Variants in XNDC1N observed in about 807,000 individuals in gnomAD.
The protein encoded by XNDC1N is XRCC1 N-terminal domain containing 1, N-terminal like.
chr11:71,901,193 A>G, the XNDC1N span, among the ~76,000 whole-genome samples: 1 of 152,214 alleles, frequency 6.6e-6, no homozygotes, highest in Admixed American at 6.5e-5. Context: ...CTTGACTTCC[A>G]CAAAGCAGTC....
At chr11:71,894,963 T>C in the XNDC1N span, among the ~76,000 whole-genome samples, 1 of 147,718 alleles carries the variant, frequency 6.8e-6, no homozygotes, top group African/African-American at 2.6e-5. Flanking sequence ...ACTGCTTCTA[T>C]AGAATCTATT....
chr11:71,910,925 G>C, the XNDC1N span, among the ~76,000 whole-genome samples: 1 of 152,212 alleles, frequency 6.6e-6, no homozygotes, highest in African/African-American at 2.4e-5. Flanking sequence ...ATGAGTTAAA[G>C]GAAAAACTTC....
At chr11:71,920,116 C>T in the XNDC1N span, among the ~76,000 whole-genome samples, 1 of 147,698 alleles carries the variant, frequency 6.8e-6, no homozygotes, top group Non-Finnish European at 1.5e-5. Context: ...CGCTACCACG[C>T]CCAGCTAATT....
At chr11:71,870,011 C>T in the XNDC1N span, among the ~76,000 whole-genome samples, 10 of 152,260 alleles carry the variant, frequency 6.6e-5, no homozygotes, top group East Asian at 1.9e-3. Context: ...GGAGGCCTAA[C>T]AATCATGGCA....
At chr11:71,887,493 A>G in the XNDC1N span, among the ~76,000 whole-genome samples, 763 of 152,044 alleles carry the variant, frequency 5.0e-3, 2 homozygotes, top group Non-Finnish European at 7.6e-3. Context: ...GAACTGAGCC[A>G]GGCCAAGAGA....
chr11:71,887,664 C>T, the XNDC1N span, among the ~76,000 whole-genome samples: 72 of 152,306 alleles, frequency 4.7e-4, no homozygotes, highest in African/African-American at 1.6e-3. Flanking sequence ...CACCTAAGAA[C>T]TTTTGGAATT....
the XNDC1N span, among the ~76,000 whole-genome samples, chr11:71,899,471 T>C: frequency 6.6e-6 from 1 of 152,202 alleles, no homozygotes; most frequent in South Asian, 2.1e-4. Flanking sequence ...ACAATTGCTT[T>C]GCTGAGATGT....
chr11:71,896,127 A>T, the XNDC1N span, among the ~76,000 whole-genome samples: 1 of 152,164 alleles, frequency 6.6e-6, no homozygotes, highest in African/African-American at 2.4e-5. Flanking sequence ...TAAACACAAA[A>T]AATGAGTCGG....
chr11:71,899,434 C>T, the XNDC1N span, among the ~76,000 whole-genome samples: 1 of 152,176 alleles, frequency 6.6e-6, no homozygotes, highest in Admixed American at 6.5e-5. Flanking sequence ...ATAAAAGACT[C>T]CATTTGGAGA....
the XNDC1N span, among the ~76,000 whole-genome samples, chr11:71,896,987 G>T: frequency 1.2e-4 from 19 of 152,322 alleles, no homozygotes; most frequent in East Asian, 3.7e-3. Context: ...TGGAACAGCA[G>T]CCTTTTCAAG....
At chr11:71,919,175 G>C in the XNDC1N span, 1 of 605,672 alleles carries the variant, frequency 1.7e-6, no homozygotes, top group Non-Finnish European at 2.9e-6. Flanking sequence ...TAGGAATACT[G>C]TTATCATGTG....
At chr11:71,910,681 G>A in the XNDC1N span, among the ~76,000 whole-genome samples, 9 of 152,166 alleles carry the variant, frequency 5.9e-5, no homozygotes, top group African/African-American at 2.2e-4. Flanking sequence ...CGTTACCTGG[G>A]ATTTACTATC....
the XNDC1N span, among the ~76,000 whole-genome samples, chr11:71,908,259 G>A: frequency 8.6e-5 from 13 of 151,058 alleles, no homozygotes; most frequent in Admixed American, 8.6e-4. Context: ...TAATTATTAG[G>A]AGCTAATATG....
chr11:71,906,193 C>T, the XNDC1N span, among the ~76,000 whole-genome samples: 1 of 151,898 alleles, frequency 6.6e-6, no homozygotes, highest in Non-Finnish European at 1.5e-5. Flanking sequence ...TGTACACCCC[C>T]TGTGATATTA....
At chr11:71,882,330 C>T in the XNDC1N span, among the ~76,000 whole-genome samples, 2 of 151,992 alleles carry the variant, frequency 1.3e-5, no homozygotes, top group East Asian at 1.9e-4. Flanking sequence ...GACCTTGGCT[C>T]ACTGCAGCCT....
the XNDC1N span, among the ~76,000 whole-genome samples, chr11:71,884,799 C>T: frequency 5.9e-5 from 9 of 152,288 alleles, no homozygotes; most frequent in Admixed American, 3.3e-4. Flanking sequence ...GTACTATATC[C>T]GATGCGGGGA....
At chr11:71,928,429 C>G in the XNDC1N span, 9 of 701,722 alleles carry the variant, frequency 1.3e-5, no homozygotes, top group Non-Finnish European at 2.3e-5. Context: ...CCTATTCTCC[C>G]GCCAATTCGG....
At chr11:71,917,009 GTTA>G in the XNDC1N span, 328 of 176,610 alleles carry the variant, frequency 1.9e-3, no homozygotes, top group Middle Eastern at 5.1e-3. Flanking sequence ...ACATATTATT[GTTA>G]TTATTATTAT....
chr11:71,928,455 CT>C, the XNDC1N span: 1 of 702,524 alleles, frequency 1.4e-6, no homozygotes, highest in Non-Finnish European at 2.6e-6. Flanking sequence ...TGACCTTCGC[CT>C]TCTGACCCCG....
Sources: gnomAD v4.1 joint callset for allele counts (sites outside exome capture counted in the v4.1 genomes callset) on GRCh38, gnomAD v4.1.1 for gene constraint, MANE v1.5 for transcripts, NCBI Gene and HGNC (gene_info 2026-07-23, HGNC 2026-07-21) for gene names.